The following STAU1 variants were observed in gnomAD, a reference collection of about 807,000 sequenced individuals.
STAU1 encodes staufen double-stranded RNA binding protein 1.
A neutral mutation model predicts 62.9 loss-of-function variants in STAU1; 13 were observed. That is an observed-to-expected ratio of 0.21 (90% CI 0.13 to 0.33). STAU1 has a LOEUF of 0.33. STAU1 is among the 10% of genes least tolerant of loss of function. The pLI is 1.00. For missense variants in STAU1, 571 were observed against 712.1 expected (o/e 0.80, Z 2.25); for synonymous variants, 269 against 265.1 (o/e 1.01, Z -0.14).
rs370050015 is a variant in STAU1 at position 49,117,763 on chromosome 20, G to A, written c.1509+14C>T. Reference sequence around the variant, plus strand: ...CCTGAGGCACAGCCATCACAGCTCAGGCCAGACAGTTACCTGGAATCCCTG... The same window carrying A: ...CCTGAGGCACAGCCATCACAGCTCAAGCCAGACAGTTACCTGGAATCCCTG... On this transcript the variant is annotated intron_variant, in intron 11 of 13. Transcript: ENST00000371856. This position sits in a 1 kb window ranked among gnomAD's most constrained non-coding sequence, Gnocchi z 4.6. 6 of 1,596,488 alleles carry A rather than the reference G, an allele frequency of 3.8e-6. No homozygotes were observed. The African/African-American group carries it at 5.4e-5, about 14-fold the overall frequency.
chr20:49,128,105 C>T (rs193019556), intron 6 of STAU1, among the ~76,000 whole-genome samples: 8 of 151,254 alleles, frequency 5.3e-5, no homozygotes, highest in Admixed American at 2.0e-4. Flanking sequence ...GCTGAGATCA[C>T]GCCATTGCAC....
chr20:49,143,530 C>T (rs2093055083), intron 5 of STAU1, among the ~76,000 whole-genome samples: 1 of 152,134 alleles, frequency 6.6e-6, no homozygotes, highest in African/African-American at 2.4e-5. Flanking sequence ...GAGGTCAAGG[C>T]TGTAGTAAGC....
At chr20:49,191,855 A>C (rs539635993), upstream of STAU1, among the ~76,000 whole-genome samples, 4 of 152,084 alleles carry the variant, frequency 2.6e-5, no homozygotes, top group Non-Finnish European at 4.4e-5. Context: ...GTTCGAGACC[A>C]GCCTGGCCAA....
At chr20:49,207,585 G>A in the STAU1 span, among the ~76,000 whole-genome samples, 1 of 151,688 alleles carries the variant, frequency 6.6e-6, no homozygotes, top group African/African-American at 2.4e-5. Flanking sequence ...GTGTGATCTC[G>A]GCTCACTGCA....
the STAU1 span, among the ~76,000 whole-genome samples, chr20:49,218,045 T>C: frequency 6.7e-6 from 1 of 149,550 alleles, no homozygotes; most frequent in Admixed American, 6.7e-5. Context: ...GGCTAATTTT[T>C]TGTATTTTTA....
At chr20:49,208,902 G>A in the STAU1 span, among the ~76,000 whole-genome samples, 6 of 151,560 alleles carry the variant, frequency 4.0e-5, no homozygotes, top group African/African-American at 7.3e-5. Flanking sequence ...GATTACAGGC[G>A]TGAGCCACTG....
At chr20:49,132,775 C>CA (rs1410760222) in intron 6 of STAU1, among the ~76,000 whole-genome samples, 1 of 151,958 alleles carries the variant, frequency 6.6e-6, no homozygotes, top group African/African-American at 2.4e-5. Flanking sequence ...CAAAACAAAA[C>CA]AAAACAAAAG....
intron 1 of STAU1, among the ~76,000 whole-genome samples, chr20:49,183,088 T>C (rs894286291): frequency 2.3e-4 from 35 of 152,316 alleles, no homozygotes; most frequent in African/African-American, 6.0e-4. Flanking sequence ...TTGACTCTGG[T>C]GAAGTTTTAT....
chr20:49,217,676 A>AATATATATATAT, the STAU1 span, among the ~76,000 whole-genome samples: 26 of 135,940 alleles, frequency 1.9e-4, no homozygotes, highest in Non-Finnish European at 2.8e-4. Flanking sequence ...TTCCTTTTAA[A>AATATATATATAT]ATATATATAT....
chr20:49,164,229 CATAA>C (rs946270574), intron 3 of STAU1, among the ~76,000 whole-genome samples: 23 of 152,126 alleles, frequency 1.5e-4, no homozygotes, highest in Admixed American at 2.6e-4. Context: ...GACTCTGTCT[CATAA>C]ATAAATAAAT....
Position 49,151,739 on chromosome 20 carries a change from T to C in STAU1, c.353A>G (p.Tyr118Cys). 3 of 1,608,400 alleles carry C rather than the reference T, an allele frequency of 1.9e-6. No homozygotes were observed. Among genetic ancestry groups the C allele is most frequent in the Non-Finnish European group, 2.5e-6 (3 of 1,178,312 alleles). Reference sequence around the variant, plus strand: ...AAGTAAAGGTGGAACTGGAAATGGGTAAAAGTACCTAGAAATAAAAGGAGG... The same window carrying C: ...AAGTAAAGGTGGAACTGGAAATGGGCAAAAGTACCTAGAAATAAAAGGAGG... Reference protein sequence around the residue: ...RGGAYPPRYFYPFPVPPLLYQ... With the variant: ...RGGAYPPRYFCPFPVPPLLYQ... Residue 118 changes from tyrosine to cysteine, a missense_variant, in exon 5 of 14, where the codon TAC becomes TGC. This residue lies in a region of STAU1 where 414 missense variants were observed against 499.6 expected (regional missense o/e 0.83). Coordinates refer to ENST00000371856, the MANE Select transcript of STAU1 (RefSeq NM_017453.4).
chr20:49,137,419 T>C (rs1186063533), intron 5 of STAU1, among the ~76,000 whole-genome samples: 6 of 152,166 alleles, frequency 3.9e-5, no homozygotes, highest in Admixed American at 3.3e-4. Flanking sequence ...TACTGTGCTG[T>C]AGTGATAATA....
At chr20:49,216,906 C>G in the STAU1 span, among the ~76,000 whole-genome samples, 1 of 152,154 alleles carries the variant, frequency 6.6e-6, no homozygotes, top group Non-Finnish European at 1.5e-5. Flanking sequence ...TTATCCATTG[C>G]AAATCATTCT....
the STAU1 span, among the ~76,000 whole-genome samples, chr20:49,201,063 AAAAAAAAAAAG>A: frequency 7.1e-6 from 1 of 141,472 alleles, no homozygotes. Flanking sequence ...AAAAAAAAAA[AAAAAAAAAAAG>A]AAGAAGAAGA....
chr20:49,129,785 C>T (rs1352259628), intron 6 of STAU1, among the ~76,000 whole-genome samples: 3 of 151,792 alleles, frequency 2.0e-5, no homozygotes, highest in East Asian at 3.9e-4. Flanking sequence ...CAGGCACATG[C>T]CTGGCTAATT....
Position 49,115,524 on chromosome 20 carries a change from C to CTAA in STAU1, c.1718+257_1718+258insTTA, listed in dbSNP as rs537926658. The stretch of plus-strand genomic sequence containing the variant: ...CCATCTTGGCCAGGCTGGTCTTAAA[C>CTAA]ACCTGACACCTCATGATCCACCTGC... On this transcript the variant is annotated intron_variant, in intron 13 of 13. Transcript: ENST00000371856. Among the ~76,000 whole-genome samples, 10 of 152,274 alleles carry CTAA rather than the reference C, an allele frequency of 6.6e-5. No homozygotes were observed. In the South Asian group the frequency reaches 2.1e-3, roughly 32 times the overall value.
At chr20:49,195,535 C>CAAAAAAAAAA in the STAU1 span, among the ~76,000 whole-genome samples, 453 of 38,112 alleles carry the variant, frequency 0.012, 51 homozygotes, top group East Asian at 0.074. Context: ...GACTCCGTCT[C>CAAAAAAAAAA]AAAAAAAAAA....
At chr20:49,142,075 C>CAAA (rs1049695999) in intron 5 of STAU1, among the ~76,000 whole-genome samples, 6 of 151,700 alleles carry the variant, frequency 4.0e-5, no homozygotes, top group Non-Finnish European at 8.8e-5. Context: ...ACAACAACAA[C>CAAA]AACAAATATT....
At chr20:49,178,540 G>C (rs1241794954) in intron 1 of STAU1, among the ~76,000 whole-genome samples, 1 of 151,824 alleles carries the variant, frequency 6.6e-6, no homozygotes, top group Non-Finnish European at 1.5e-5. Context: ...CCTGAGATCA[G>C]GAGTTCAAGA....
Sources: allele counts gnomAD v4.1 joint callset (sites outside exome capture counted in the v4.1 genomes callset), GRCh38; gene constraint gnomAD v4.1.1; regional missense constraint gnomAD v4.1.1; non-coding constraint Gnocchi (gnomAD v3.1); transcripts MANE v1.5; gene names NCBI Gene and HGNC (gene_info 2026-07-23, HGNC 2026-07-21).